The following FEZ1 variants were observed in gnomAD, a reference collection of about 807,000 sequenced individuals.
FEZ1 encodes fasciculation and elongation protein zeta 1, also known as fasciculation and elongation protein zeta-1.
FEZ1 carries 20 observed loss-of-function variants against 49.3 expected under a neutral mutation model. That is an observed-to-expected ratio of 0.41 (90% CI 0.29 to 0.59). FEZ1 has a LOEUF of 0.59. FEZ1 is among the 20% of genes least tolerant of loss of function. FEZ1 has a pLI of 0.36. For synonymous variants in FEZ1, 170 were observed against 180.9 expected, an observed-to-expected ratio of 0.94 and a Z score of 0.48; for missense variants, 413 against 476.0, an observed-to-expected ratio of 0.87 and a Z score of 1.23.
intron 1 of FEZ1, among the ~76,000 whole-genome samples, chr11:125,494,399 C>T (rs1260517212): frequency 6.6e-6 from 1 of 152,206 alleles, no homozygotes; most frequent in Non-Finnish European, 1.5e-5. Context: ...CATCCTTCAA[C>T]TAAAATGTCT....
At chr11:125,492,525 A>G (rs927370064) in intron 1 of FEZ1, among the ~76,000 whole-genome samples, 1 of 152,238 alleles carries the variant, frequency 6.6e-6, no homozygotes, top group Non-Finnish European at 1.5e-5. Flanking sequence ...AATGCAGTAG[A>G]GAGTAAAACA....
rs756039695 is a variant in FEZ1 at position 125,495,470 on chromosome 11, C to T, written c.-46+651G>A. 1.6e-4 allele frequency: 76 copies of T among 470,412 alleles called. No individual in the cohort carries two copies. The highest frequency in any genetic ancestry group is 2.9e-4 in the Non-Finnish European group (66 of 226,718). The allele number at this position is 470,412 out of a possible 1,614,324, so 29.1% of individuals were successfully genotyped here. On this transcript the variant is annotated intron_variant, in intron 1 of 9. Coordinates refer to ENST00000278919, the MANE Select transcript of FEZ1 (RefSeq NM_005103.5). The surrounding 1 kb of genome is among the most constrained non-coding windows in gnomAD (Gnocchi z 4.2). ...GGCAGCGCGCCCCGCCACCGCGCAGCCGCCCCGGTCCCTTCTCCCGCCCGT... is the reference window on the plus strand; with the variant it reads ...GGCAGCGCGCCCCGCCACCGCGCAGTCGCCCCGGTCCCTTCTCCCGCCCGT...
At position 125,445,765 on chromosome 11, in the gene FEZ1, G is replaced by A; in HGVS notation, c.*330C>T. 1 of 377,976 alleles carries A rather than the reference G, an allele frequency of 2.6e-6. No individual in the cohort carries two copies. The allele number at this position is 377,976 out of a possible 1,614,324, so 23.4% of individuals were successfully genotyped here. A position where few individuals can be genotyped will look rare whatever the true frequency, so the allele number is the denominator to read the frequency against. On this transcript the variant is annotated 3_prime_UTR_variant, in exon 10 of 10. Coordinates refer to ENST00000278919, the MANE Select transcript of FEZ1 (RefSeq NM_005103.5). This position sits in a 1 kb window ranked among gnomAD's most constrained non-coding sequence, Gnocchi z 4.4. ...ACATGAAGAATATTAATTAAATGAA[G>A]GTTTTATTTCAAAATTAGTCTTAAG...
chr11:125,481,611 T>C lies in FEZ1; in HGVS notation c.334A>G (p.Asn112Asp). 1 of 1,612,084 alleles carries C rather than the reference T, an allele frequency of 6.2e-7. No homozygotes were observed. The highest frequency in any genetic ancestry group is 8.5e-7 in the Non-Finnish European group (1 of 1,178,334). The change falls in exon 3 of 10, where the codon AAT becomes GAT. Residue 112 changes from asparagine to aspartate, a missense_variant. Coordinates refer to ENST00000278919, the MANE Select transcript of FEZ1 (RefSeq NM_005103.5). The stretch of plus-strand genomic sequence containing the variant: ...TCTTCTGAGAGTGAAGGGATGTAAT[T>C]GTCTGTCAGAGCATCCCAAACCCTG... ...DEEVWDALTDNYIPSLSEDWR... is the reference protein window; with the variant it reads ...DEEVWDALTDDYIPSLSEDWR...
intron 3 of FEZ1, among the ~76,000 whole-genome samples, chr11:125,473,868 C>T (rs1464644523): frequency 1.3e-5 from 2 of 149,012 alleles, no homozygotes; most frequent in Non-Finnish European, 3.0e-5. Flanking sequence ...GGATCATAGA[C>T]CTAAATACAA....
At chr11:125,447,958 T>C (rs183582217) in intron 9 of FEZ1, among the ~76,000 whole-genome samples, 3 of 152,326 alleles carry the variant, frequency 2.0e-5, no homozygotes, top group African/African-American at 7.2e-5. Context: ...GACAGAGATT[T>C]GCTTTAAAAT....
At chr11:125,471,431 TACAC>T (rs34965918) in intron 3 of FEZ1, among the ~76,000 whole-genome samples, 2,768 of 147,218 alleles carry the variant, frequency 0.019, 34 homozygotes, top group African/African-American at 0.036. Context: ...TTGAGATAGA[TACAC>T]ACACACACAC....
At chr11:125,484,639 T>A (rs1215493406) in intron 2 of FEZ1, among the ~76,000 whole-genome samples, 17 of 139,530 alleles carry the variant, frequency 1.2e-4, no homozygotes, top group Admixed American at 3.1e-4. Flanking sequence ...TTGCACTCCA[T>A]CCTGGGCAAC....
chr11:125,493,547 A>G (rs11220097), intron 1 of FEZ1, among the ~76,000 whole-genome samples: 4,007 of 133,006 alleles, frequency 0.03, 153 homozygotes, highest in East Asian at 0.076. Context: ...AGAAAGAAAG[A>G]AAGAAAGGTG....
intron 7 of FEZ1, chr11:125,452,953 A>C (rs1591580555): frequency 6.9e-6 from 1 of 145,540 alleles, no homozygotes; most frequent in Admixed American, 7.4e-5. Flanking sequence ...AAAGCTAAGA[A>C]GCTCACTTTT....
rs946658876 is a variant in FEZ1 at position 125,444,123 on chromosome 11, C to T, written c.*1972G>A. 2.4e-4 allele frequency among the ~76,000 whole-genome samples: 36 copies of T among 152,332 alleles called. No homozygotes were observed. The highest frequency in any genetic ancestry group is 8.2e-4 in the African/African-American group (34 of 41,576). On this transcript the variant is annotated 3_prime_UTR_variant, in exon 10 of 10. Transcript: ENST00000278919. ...GAACTGAATCCATGCCCTTTTATCA[C>T]AGGACGAGTTGTCACTTCCATGCTC... is the stretch of plus-strand genomic sequence containing the variant.
intron 5 of FEZ1, 111 bp from the exon 6 acceptor site, chr11:125,456,217 C>A: frequency 9.9e-7 from 1 of 1,006,480 alleles, no homozygotes; most frequent in Non-Finnish European, 1.4e-6. Context: ...AGAGGAGATC[C>A]CTTCCAACTC....
rs1180551140 is a variant in FEZ1, at chr11:125,460,549, G to A, written c.616C>T (p.Gln206Ter). Residue 206 changes from glutamine (Q) to a stop codon, truncating the protein, a stop_gained, in exon 5 of 10, where the codon CAG becomes TAG. Coordinates refer to ENST00000278919, the MANE Select transcript of FEZ1 (RefSeq NM_005103.5). LOFTEE classifies it high-confidence loss of function. ...TSSQADSVLL[Q>*]EMQALTQTFN... The stretch of plus-strand genomic sequence containing the variant: ...GTCTGTGTCAATGCCTGCATCTCCT[G>A]CAGGAGGACCGAGTCTGCCTGGGAG... 1 of 1,614,142 alleles carries A rather than the reference G, an allele frequency of 6.2e-7. No individual in the cohort carries two copies. Among genetic ancestry groups the A allele is most frequent in the Non-Finnish European group, 8.5e-7 (1 of 1,180,020 alleles).
At chr11:125,487,952 C>T (rs959347980) in intron 2 of FEZ1, among the ~76,000 whole-genome samples, 4 of 152,124 alleles carry the variant, frequency 2.6e-5, no homozygotes, top group African/African-American at 9.7e-5. Context: ...GCCTCTTACC[C>T]CATTATTTGT....
chr11:125,462,173 A>AC (rs1463137314), intron 4 of FEZ1, among the ~76,000 whole-genome samples: 1 of 152,260 alleles, frequency 6.6e-6, no homozygotes, highest in East Asian at 1.9e-4. Context: ...ACTTTCTGGC[A>AC]CCGAAGGCTG....
At chr11:125,450,188 T>C (rs1370067932) in intron 8 of FEZ1, among the ~76,000 whole-genome samples, 1 of 151,874 alleles carries the variant, frequency 6.6e-6, no homozygotes, top group Non-Finnish European at 1.5e-5. Flanking sequence ...CCACCACATC[T>C]GGCTAATTTT....
rs1956875707 is a variant in FEZ1 at position 125,444,095 on chromosome 11, G to GCCGAACTGAAT, written c.*1989_*1999dup. Among the ~76,000 whole-genome samples the GCCGAACTGAAT allele has an allele frequency of 7.4e-6, 1 of 135,070 alleles. No homozygotes were observed. Among genetic ancestry groups the GCCGAACTGAAT allele is most frequent in the Non-Finnish European group, 1.7e-5 (1 of 60,108 alleles). The allele number at this position is 135,070 out of a possible 152,430, so 88.6% of individuals were successfully genotyped here. ...TGTTCAGCCTTAGCACCAGTGAACT[G>GCCGAACTGAAT]CCGAACTGAATCCATGCCCTTTTAT... On this transcript the variant is annotated 3_prime_UTR_variant, in exon 10 of 10. Coordinates refer to ENST00000278919, the MANE Select transcript of FEZ1 (RefSeq NM_005103.5).
At chr11:125,462,453 A>G (rs1957084947) in intron 4 of FEZ1, among the ~76,000 whole-genome samples, 1 of 152,216 alleles carries the variant, frequency 6.6e-6, no homozygotes, top group Non-Finnish European at 1.5e-5. Flanking sequence ...AATATCCATC[A>G]CACAAAAGCC....
intron 3 of FEZ1, among the ~76,000 whole-genome samples, chr11:125,468,254 T>C (rs538379249): frequency 6.6e-6 from 1 of 152,232 alleles, no homozygotes; most frequent in East Asian, 1.9e-4. Context: ...CAAAGTCCAC[T>C]GCAGCCTCCC....
Sources: gnomAD v4.1 joint callset for allele counts (sites outside exome capture counted in the v4.1 genomes callset) on GRCh38, gnomAD v4.1.1 for gene constraint, Gnocchi (gnomAD v3.1) non-coding constraint, MANE v1.5 for transcripts, NCBI Gene and HGNC (gene_info 2026-07-23, HGNC 2026-07-21) for gene names.